Variants in LYPD8 observed in about 807,000 individuals in gnomAD.
LYPD8 encodes the protein ly6/PLAUR domain-containing protein 8.
In LYPD8, 8 loss-of-function variants were observed where a neutral mutation model predicts 1.7. The ratio of observed to expected loss-of-function variants is 4.58; its 90% confidence interval spans 2.69 to 8.27. The LOEUF (loss-of-function observed/expected upper bound fraction) is 8.27. LYPD8 is among the 30% of genes most tolerant of loss of function. The pLI, the probability that LYPD8 is intolerant of heterozygous loss-of-function variation, is 0.00. For missense variants in LYPD8, 112 were observed against 102.3 expected (o/e 1.09, Z -0.41); for synonymous variants, 50 against 43.6 (o/e 1.15, Z -0.58).
At chr1:248,743,087 A>G (rs1326546577) in intron 6 of LYPD8, among the ~76,000 whole-genome samples, 2 of 151,946 alleles carry the variant, frequency 1.3e-5, no homozygotes, top group Non-Finnish European at 2.9e-5. Context: ...CAGGTAGATG[A>G]GAAATTTCTA....
At chr1:248,753,952 TCACA>T (rs1479816881) in intron 2 of LYPD8, among the ~76,000 whole-genome samples, 1 of 106,188 alleles carries the variant, frequency 9.4e-6, no homozygotes, top group Non-Finnish European at 1.9e-5. Context: ...ACATCACATG[TCACA>T]CACATCACAT....
At chr1:248,744,164 A>G (rs1662679738) in intron 6 of LYPD8, among the ~76,000 whole-genome samples, 1 of 152,214 alleles carries the variant, frequency 6.6e-6, no homozygotes, top group Admixed American at 6.5e-5. Context: ...CTCTCACACA[A>G]CCTGAATCAC....
At chr1:248,750,471 T>C in intron 4 of LYPD8, 53 bp downstream of exon 4, 2 of 398,346 alleles carry the variant, frequency 5.0e-6, no homozygotes, top group Non-Finnish European at 8.8e-6. Context: ...CCTCTCCAGC[T>C]CCCTCCCGGT....
At chr1:248,743,380 A>G (rs113371643) in intron 6 of LYPD8, among the ~76,000 whole-genome samples, 1,646 of 152,212 alleles carry the variant, frequency 0.011, 22 homozygotes, top group African/African-American at 0.027. Flanking sequence ...CAGGAGAATC[A>G]CTTGAACCCA....
At position 248,749,165 on chromosome 1, in the gene LYPD8, ACCCATTTCTCTAACAAACCAAT is replaced by A. The variant is rs1662756769; in HGVS notation, c.173-734_173-713del. Among the ~76,000 whole-genome samples, 9 of 152,308 alleles carry A rather than the reference ACCCATTTCTCTAACAAACCAAT, an allele frequency of 5.9e-5. 1 individual carries two copies. The South Asian group carries it at 1.9e-3, about 32-fold the overall frequency. ...ATATGGGACAGCTACAGGACAAATGACCCATTTCTCTAACAAACCAATAGGATTGAACAAAAAATGATGGAAG... is the reference window on the plus strand; with the variant it reads ...ATATGGGACAGCTACAGGACAAATGAAGGATTGAACAAAAAATGATGGAAG... On this transcript the variant is annotated intron_variant, in intron 4 of 6. Transcript: ENST00000590317.
At chr1:248,749,864 T>G (rs1447557208) in intron 4 of LYPD8, among the ~76,000 whole-genome samples, 1 of 152,022 alleles carries the variant, frequency 6.6e-6, no homozygotes, top group Non-Finnish European at 1.5e-5. Context: ...CATATATGTG[T>G]GTACATGTAT....
chr1:248,744,005 A>C (rs1372970700), intron 6 of LYPD8, among the ~76,000 whole-genome samples: 1 of 152,214 alleles, frequency 6.6e-6, no homozygotes, highest in East Asian at 1.9e-4. Context: ...AAATTTTCTT[A>C]GCTTTAATTT....
chr1:248,750,965 G>A (rs1466906440), intron 3 of LYPD8, 65 bp downstream of exon 3: 1 of 398,540 alleles, frequency 2.5e-6, no homozygotes, highest in Non-Finnish European at 4.4e-6. Context: ...TTGAGAGCAA[G>A]AAGACACTGG....
At chr1:248,743,444 G>A (rs782609985) in intron 6 of LYPD8, among the ~76,000 whole-genome samples, 40 of 152,180 alleles carry the variant, frequency 2.6e-4, no homozygotes, top group South Asian at 2.1e-4. Flanking sequence ...CAGCCTGGGC[G>A]ACAGAGCAAG....
intron 4 of LYPD8, among the ~76,000 whole-genome samples, chr1:248,749,286 C>T (rs1662758682): frequency 6.6e-6 from 1 of 152,180 alleles, no homozygotes; most frequent in Non-Finnish European, 1.5e-5. Flanking sequence ...TAATTTCGCA[C>T]ATAGACCACA....
rs782778495 is a variant in LYPD8, at chr1:248,739,614, G to A, written c.711C>T (p.Pro237=). 2 of 1,551,304 alleles carry A rather than the reference G, an allele frequency of 1.3e-6. No homozygotes were observed. Among genetic ancestry groups the A allele is most frequent in the Non-Finnish European group, 1.7e-6 (2 of 1,147,004 alleles). The change falls in exon 7 of 7, where the codon CCC becomes CCT. Residue 237 remains proline (P), a synonymous_variant. Coordinates refer to ENST00000590317, the MANE Select transcript of LYPD8 (RefSeq NM_001085474.2). The surrounding 1 kb of genome is among the most constrained non-coding windows in gnomAD (Gnocchi z 4.3). ...LASLLLRGLL[P] ...GGCAAAGTGCAGCCCCAGGACCTCA[G>A]GGCAGCAGTCCCCGAAGAAGGAGGC...
intron 6 of LYPD8, among the ~76,000 whole-genome samples, chr1:248,743,937 G>C (rs141819471): frequency 5.1e-4 from 78 of 152,352 alleles, no homozygotes; most frequent in African/African-American, 1.7e-3. Flanking sequence ...AACATCTATT[G>C]TATTGAGCCA....
chr1:248,743,701 T>C (rs577912494), intron 6 of LYPD8, among the ~76,000 whole-genome samples: 1 of 152,198 alleles, frequency 6.6e-6, no homozygotes, highest in Admixed American at 6.5e-5. Context: ...GATGACTGTC[T>C]TACCGGGTCC....
chr1:248,742,914 G>GT (rs1454466721), intron 6 of LYPD8, among the ~76,000 whole-genome samples: 13 of 112,648 alleles, frequency 1.2e-4, no homozygotes, highest in Admixed American at 1.8e-4. Flanking sequence ...GATGTTGGCA[G>GT]CGGGGGAGAT....
Position 248,739,709 on chromosome 1 carries a change from G to C in LYPD8, c.616C>G (p.Pro206Ala). Reference sequence around the variant, plus strand: ...TGGGAAGTGGTTGGTGCAGACGTGGGGGTTAAGCTGTTTACATTTGCACAC... The same window carrying C: ...TGGGAAGTGGTTGGTGCAGACGTGGCGGTTAAGCTGTTTACATTTGCACAC... ...FECANVNSLT[P>A]TSAPTTSHNV... Residue 206 changes from proline to alanine, a missense_variant, in exon 7 of 7, where the codon CCC (proline) becomes GCC (alanine). Physicochemically the swap from Pro to Ala is conservative, Grantham distance 27. Transcript: ENST00000590317. This position sits in a 1 kb window ranked among gnomAD's most constrained non-coding sequence, Gnocchi z 4.3. The C allele has an allele frequency of 2.6e-6, 4 of 1,551,700 alleles. No individual in the cohort carries two copies. The highest frequency in any genetic ancestry group is 3.5e-6 in the Non-Finnish European group (4 of 1,146,980).
chr1:248,752,760 A>C (rs1284688160), intron 2 of LYPD8, among the ~76,000 whole-genome samples: 51 of 82,336 alleles, frequency 6.2e-4, no homozygotes, highest in South Asian at 8.5e-4. Flanking sequence ...CCCCACACAC[A>C]CCACACACCC....
chr1:248,746,305 C>T (rs1662725122), intron 5 of LYPD8, among the ~76,000 whole-genome samples: 1 of 152,164 alleles, frequency 6.6e-6, no homozygotes, highest in Admixed American at 6.5e-5. Flanking sequence ...AATTTGAGAA[C>T]TACTGACCGG....
At chr1:248,743,471 C>T (rs1305788039) in intron 6 of LYPD8, among the ~76,000 whole-genome samples, 1 of 152,104 alleles carries the variant, frequency 6.6e-6, no homozygotes, top group Non-Finnish European at 1.5e-5. Flanking sequence ...TCTCAAAAAA[C>T]CAAAAAGACA....
chr1:248,744,090 ATAGAGTCT>A (rs1662677008), intron 6 of LYPD8, among the ~76,000 whole-genome samples: 1 of 152,256 alleles, frequency 6.6e-6, no homozygotes. Flanking sequence ...TTTTTAAGAC[ATAGAGTCT>A]TAACAGAGGG....
Sources: gnomAD v4.1 joint callset for allele counts (sites outside exome capture counted in the v4.1 genomes callset) on GRCh38, gnomAD v4.1.1 for gene constraint, Gnocchi (gnomAD v3.1) non-coding constraint, MANE v1.5 for transcripts, NCBI Gene and HGNC (gene_info 2026-07-23, HGNC 2026-07-21) for gene names.